The following DPF3 variants were observed in gnomAD, a reference collection of about 807,000 sequenced individuals.
DPF3 encodes the protein zinc finger protein DPF3.
A neutral mutation model predicts 56.8 loss-of-function variants in DPF3; 18 were observed. That is an observed-to-expected ratio of 0.32 (90% CI 0.22 to 0.47). The LOEUF (loss-of-function observed/expected upper bound fraction) is 0.47, where lower values mean the gene tolerates loss of function less well. Among genes scored for constraint, DPF3 ranks in the 20% least tolerant of loss-of-function variants. DPF3 has a pLI of 1.00. For missense variants in DPF3, 403 were observed against 488.8 expected, an observed-to-expected ratio of 0.82 and a Z score of 1.65; for synonymous variants, 188 against 180.2, an observed-to-expected ratio of 1.04 and a Z score of -0.35.
intron 8 of DPF3, among the ~76,000 whole-genome samples, chr14:72,659,725 T>C (rs575211935): frequency 9.2e-5 from 14 of 152,218 alleles, no homozygotes; most frequent in Non-Finnish European, 1.9e-4. Context: ...GACTTCTTAA[T>C]TGAACCTAAT....
chr14:72,770,411 C>A (rs933131634), intron 2 of DPF3, among the ~76,000 whole-genome samples: 14 of 152,140 alleles, frequency 9.2e-5, no homozygotes, highest in African/African-American at 2.4e-4. Context: ...CCATTTGGAT[C>A]CTGATTTAAA....
At chr14:72,662,732 AGAGGAGGAG>A in intron 8 of DPF3, 9 of 993,136 alleles carry the variant, frequency 9.1e-6, no homozygotes, top group Non-Finnish European at 1.1e-5. Context: ...AAGAGGAAGA[AGAGGAGGAG>A]GAGGAGGAGG....
intron 8 of DPF3, among the ~76,000 whole-genome samples, chr14:72,641,699 G>T (rs1427281920): frequency 6.6e-6 from 1 of 152,214 alleles, no homozygotes; most frequent in African/African-American, 2.4e-5. Flanking sequence ...CAGCAATGTT[G>T]GTGGCTGCAG....
In DPF3 at chr14:72,720,501, T is replaced by C. The variant is rs113520307; in HGVS notation, c.525+3132A>G. Among the ~76,000 whole-genome samples, 964 of 152,314 alleles carry C rather than the reference T, an allele frequency of 6.3e-3. 11 individuals carry two copies. The highest frequency in any genetic ancestry group is 0.045 in the South Asian group (217 of 4,818). On this transcript the variant is annotated intron_variant, in intron 5 of 10. Transcript: ENST00000556509. ...AGTATCACTGTACAACATGGAACCATTCAGCTGCTGCTTGGCCAGTATCTG... is the reference window on the plus strand; with the variant it reads ...AGTATCACTGTACAACATGGAACCACTCAGCTGCTGCTTGGCCAGTATCTG...
intron 3 of DPF3, among the ~76,000 whole-genome samples, chr14:72,733,900 C>T (rs1889780050): frequency 6.6e-6 from 1 of 152,140 alleles, no homozygotes; most frequent in Admixed American, 6.5e-5. Context: ...GACCGGCCCC[C>T]AGAAAAAGAA....
At chr14:72,846,829 C>T (rs1214902983) in intron 1 of DPF3, among the ~76,000 whole-genome samples, 1 of 152,214 alleles carries the variant, frequency 6.6e-6, no homozygotes, top group African/African-American at 2.4e-5. Flanking sequence ...ACTAAATTCA[C>T]TGGCTCCTAC....
chr14:72,760,495 C>T (rs1479506220), intron 2 of DPF3, among the ~76,000 whole-genome samples: 1 of 152,094 alleles, frequency 6.6e-6, no homozygotes, highest in Non-Finnish European at 1.5e-5. Context: ...GTCCCTTTTG[C>T]CATGTAAGGT....
intron 1 of DPF3, among the ~76,000 whole-genome samples, chr14:72,793,313 C>T (rs1381698298): frequency 2.0e-5 from 3 of 152,210 alleles, no homozygotes. Flanking sequence ...CAAGACACTC[C>T]TGGGGACAGA....
At chr14:72,645,506 A>C (rs2526917) in intron 8 of DPF3, among the ~76,000 whole-genome samples, 3,770 of 152,106 alleles carry the variant, frequency 0.025, 117 homozygotes, top group African/African-American at 0.064. Flanking sequence ...TTTTATATAG[A>C]GATGGGGTCT....
chr14:72,878,738 G>T (rs769218316), intron 1 of DPF3, among the ~76,000 whole-genome samples: 1 of 152,202 alleles, frequency 6.6e-6, no homozygotes, highest in Non-Finnish European at 1.5e-5. Flanking sequence ...AAGCAAAAAG[G>T]TTTGTCTTTA....
At chr14:72,818,572 C>T (rs1883392229) in intron 1 of DPF3, among the ~76,000 whole-genome samples, 1 of 152,138 alleles carries the variant, frequency 6.6e-6, no homozygotes, top group Admixed American at 6.5e-5. Context: ...AGCTACATCG[C>T]AGGCTGAGGC....
intron 8 of DPF3, among the ~76,000 whole-genome samples, chr14:72,656,576 T>C (rs967440188): frequency 6.6e-6 from 1 of 152,248 alleles, no homozygotes; most frequent in South Asian, 2.1e-4. Flanking sequence ...TCACACAATG[T>C]TTAATAAAAT....
Position 72,652,213 on chromosome 14 carries a change from A to C in DPF3, c.871+22027T>G, listed in dbSNP as rs181670708. 1.7e-4 allele frequency among the ~76,000 whole-genome samples: 26 copies of C among 152,280 alleles called. No individual in the cohort carries two copies. In the East Asian group the frequency reaches 4.8e-3, roughly 28 times the overall value. ...CCGGCACCACCTGCTCCAAAGGTAAAGCCTATGGGGAAAGTCTTTCCCAGT... is the reference window on the plus strand; with the variant it reads ...CCGGCACCACCTGCTCCAAAGGTAACGCCTATGGGGAAAGTCTTTCCCAGT... On this transcript the variant is annotated intron_variant, in intron 8 of 10. Transcript: ENST00000556509.
chr14:72,731,667 TG>T, intron 4 of DPF3, 139 bp downstream of exon 4: 1 of 1,209,552 alleles, frequency 8.3e-7, no homozygotes, highest in Non-Finnish European at 1.1e-6. Flanking sequence ...GGGAGCTTCC[TG>T]GCCACCATAG....
At chr14:72,766,847 C>T (rs1891307446) in intron 2 of DPF3, among the ~76,000 whole-genome samples, 1 of 152,164 alleles carries the variant, frequency 6.6e-6, no homozygotes, top group Non-Finnish European at 1.5e-5. Context: ...AAAAAGACCT[C>T]AAGAAAATCC....
intron 8 of DPF3, among the ~76,000 whole-genome samples, chr14:72,665,190 C>T (rs939917972): frequency 6.6e-6 from 1 of 152,164 alleles, no homozygotes; most frequent in African/African-American, 2.4e-5. Flanking sequence ...CCCATGACAG[C>T]TCTTACATGA....
intron 8 of DPF3, among the ~76,000 whole-genome samples, chr14:72,663,258 G>A (rs1886302343): frequency 6.6e-6 from 1 of 151,106 alleles, no homozygotes; most frequent in African/African-American, 2.4e-5. Context: ...CCTTTATGAT[G>A]TCATCTCTCT....
intron 7 of DPF3, among the ~76,000 whole-genome samples, chr14:72,683,687 G>A (rs1490720981): frequency 3.3e-5 from 5 of 152,204 alleles, no homozygotes; most frequent in Non-Finnish European, 5.9e-5. Context: ...AGGTGGACAC[G>A]CAGGGCCTCA....
At chr14:72,789,241 A>G (rs1892331281) in intron 1 of DPF3, among the ~76,000 whole-genome samples, 1 of 152,132 alleles carries the variant, frequency 6.6e-6, no homozygotes, top group South Asian at 2.1e-4. Flanking sequence ...CTGCTTAGAA[A>G]CAGGAACCAC....
Sources: gnomAD v4.1 joint callset for allele counts (sites outside exome capture counted in the v4.1 genomes callset) on GRCh38, gnomAD v4.1.1 for gene constraint, MANE v1.5 for transcripts, NCBI Gene and HGNC (gene_info 2026-07-23, HGNC 2026-07-21) for gene names.